The following ICA1L variants were observed in gnomAD, a reference collection of about 807,000 sequenced individuals.
ICA1L encodes the protein islet cell autoantigen 1 like, also known as islet cell autoantigen 1-like protein.
A neutral mutation model predicts 61.3 loss-of-function variants in ICA1L; 50 were observed. That is an observed-to-expected ratio of 0.82 (90% CI 0.65 to 1.03). The LOEUF (loss-of-function observed/expected upper bound fraction) is 1.03. ICA1L is among the 50% of genes least tolerant of loss of function. The pLI is 0.00. For missense variants in ICA1L, 508 were observed against 556.7 expected (o/e 0.91, Z 0.88); for synonymous variants, 161 against 191.3 (o/e 0.84, Z 1.31).
chr2:202,788,846 CACATGAAAGCCAAGGTCA>C lies in ICA1L; in HGVS notation c.1209_1226del (p.Phe403_Val409delinsLeu). ...GACACTTACTGTTGAACGCTCCAGC[CACATGAAAGCCAAGGTCA>C]AAGAGTTGTGAAGGAAGGAATCGAG... On this transcript the variant is annotated inframe_deletion, in exon 11 of 13. Transcript: ENST00000358299. 6.2e-7 allele frequency: 1 copy of C among 1,613,992 alleles called. No homozygotes were observed. The highest frequency in any genetic ancestry group is 8.5e-7 in the Non-Finnish European group (1 of 1,180,000).
chr2:202,862,662 C>A (rs1054573906), intron 1 of ICA1L, among the ~76,000 whole-genome samples: 1 of 151,280 alleles, frequency 6.6e-6, no homozygotes, highest in East Asian at 1.9e-4. Context: ...CATGGTGAAA[C>A]CCCGTCTCTA....
At chr2:202,847,434 T>C (rs1001192405) in intron 1 of ICA1L, among the ~76,000 whole-genome samples, 1 of 152,124 alleles carries the variant, frequency 6.6e-6, no homozygotes, top group Non-Finnish European at 1.5e-5. Flanking sequence ...GTTTCAAGCT[T>C]GGGTCTCTAG....
rs963384264 is a variant in ICA1L, at chr2:202,826,274, T to C, written c.163-507A>G. ...TATATTCTTTTTTTAGAATTTTCTA[T>C]AGATATTAATTCTTTCATTACTACT... On this transcript the variant is annotated intron_variant, in intron 2 of 12. Transcript: ENST00000358299. Among the ~76,000 whole-genome samples the C allele has an allele frequency of 5.3e-5, 8 of 152,184 alleles. No homozygotes were observed. The East Asian group carries it at 7.7e-4, about 15-fold the overall frequency.
chr2:202,834,086 A>G (rs762333625), intron 1 of ICA1L, among the ~76,000 whole-genome samples: 2 of 152,234 alleles, frequency 1.3e-5, no homozygotes, highest in Non-Finnish European at 2.9e-5. Context: ...ATGAGGTAAT[A>G]CATATGTTAA....
intron 1 of ICA1L, among the ~76,000 whole-genome samples, chr2:202,859,937 A>G (rs1397440124): frequency 6.6e-6 from 1 of 152,158 alleles, no homozygotes; most frequent in African/African-American, 2.4e-5. Context: ...GAAGTAGCCA[A>G]GACCCTGTAA....
intron 1 of ICA1L, among the ~76,000 whole-genome samples, chr2:202,855,760 G>C (rs1218949547): frequency 6.6e-6 from 1 of 152,062 alleles, no homozygotes; most frequent in African/African-American, 2.4e-5. Flanking sequence ...CATTCCTTCT[G>C]AAACTACTCC....
At chr2:202,814,112 A>G (rs569568612) in intron 8 of ICA1L, among the ~76,000 whole-genome samples, 1 of 152,316 alleles carries the variant, frequency 6.6e-6, no homozygotes, top group South Asian at 2.1e-4. Context: ...AAAAATATAT[A>G]TAAGGTTTCA....
At chr2:202,841,852 C>T in intron 1 of ICA1L, 1 of 256,732 alleles carries the variant, frequency 3.9e-6, no homozygotes, top group Non-Finnish European at 7.7e-6. Context: ...GAAGCTGCTT[C>T]TTGGTCTATT....
chr2:202,817,414 G>T lies in ICA1L; in HGVS notation c.684+4C>A. On this transcript the variant is annotated splice_donor_region_variant and intron_variant, in intron 6 of 12. Transcript: ENST00000358299. ...AAGGATATGCTGACCATGGAGGTGG[G>T]TACCTGGTAGGTAGTGAGCGAATGA... 1 of 1,573,032 alleles carries T rather than the reference G, an allele frequency of 6.4e-7. No homozygotes were observed. The highest frequency in any genetic ancestry group is 2.3e-5 in the East Asian group (1 of 42,824).
chr2:202,833,689 A>G (rs1559142091), intron 1 of ICA1L, among the ~76,000 whole-genome samples: 2 of 152,262 alleles, frequency 1.3e-5, no homozygotes, highest in African/African-American at 4.8e-5. Context: ...ACTTTCAGAA[A>G]TGCTAACATT....
intron 10 of ICA1L, among the ~76,000 whole-genome samples, chr2:202,795,639 C>T (rs1692902928): frequency 6.6e-6 from 1 of 151,926 alleles, no homozygotes; most frequent in African/African-American, 2.4e-5. Context: ...GGTGCATGCA[C>T]ACACCATTTG....
intron 1 of ICA1L, among the ~76,000 whole-genome samples, chr2:202,838,767 T>G (rs1288763665): frequency 6.6e-6 from 1 of 152,014 alleles, no homozygotes; most frequent in Non-Finnish European, 1.5e-5. Flanking sequence ...ATAAAAGAGG[T>G]TTAATTGGCT....
At chr2:202,868,547 T>A (rs182740643) in intron 1 of ICA1L, among the ~76,000 whole-genome samples, 1 of 152,222 alleles carries the variant, frequency 6.6e-6, no homozygotes, top group Non-Finnish European at 1.5e-5. Context: ...AGATACTCAA[T>A]AAGTATTTAC....
In ICA1L at chr2:202,777,044, C is replaced by CTTTTTTTTTTTTTTTTT. The variant is rs562230381; in HGVS notation, c.*2472_*2488dup. ...ACAAACTCTCAAGACATAAAGTTAG[C>CTTTTTTTTTTTTTTTTT]TTTTTTTTTTTTTTTTTTTTTTTTT... On this transcript the variant is annotated 3_prime_UTR_variant, in exon 13 of 13. Coordinates refer to ENST00000358299, the MANE Select transcript of ICA1L (RefSeq NM_001288622.3). 6 of 68,586 alleles carry CTTTTTTTTTTTTTTTTT rather than the reference C, an allele frequency of 8.7e-5. No homozygotes were observed. The highest frequency in any genetic ancestry group is 3.9e-4 in the African/African-American group (6 of 15,268). The allele number at this position is 68,586 out of a possible 1,614,324, so 4.2% of individuals were successfully genotyped here.
chr2:202,795,140 C>T lies in ICA1L; in HGVS notation c.985+1750G>A, dbSNP rs570860992. 6.8e-5 allele frequency among the ~76,000 whole-genome samples: 10 copies of T among 147,354 alleles called. 1 individual carries two copies. The South Asian group carries it at 8.6e-4, about 13-fold the overall frequency. ...CCGAGTAGCTGGGACTACAGGCATG[C>T]GCCACCATGCCCAGTTAATTTTGTA... On this transcript the variant is annotated intron_variant, in intron 10 of 12. Transcript: ENST00000358299.
At chr2:202,847,703 A>ATATATATATATATATATATATATAG in intron 1 of ICA1L, among the ~76,000 whole-genome samples, 1 of 131,260 alleles carries the variant, frequency 7.6e-6, no homozygotes, top group East Asian at 2.2e-4. Flanking sequence ...AATTATATAT[A>ATATATATATATATATATATATATAG]TATATAGTTA....
chr2:202,795,923 A>G (rs1325152298), intron 10 of ICA1L, among the ~76,000 whole-genome samples: 1 of 152,020 alleles, frequency 6.6e-6, no homozygotes, highest in African/African-American at 2.4e-5. Flanking sequence ...CACGCCTGTA[A>G]TCCCGGCTAT....
chr2:202,773,867 T>G lies in ICA1L; in HGVS notation c.*5666A>C. On this transcript the variant is annotated 3_prime_UTR_variant, in exon 13 of 13. Coordinates refer to ENST00000358299, the MANE Select transcript of ICA1L (RefSeq NM_001288622.3). ...GTGGGAAGTTTTCTTCTACAGAGGC[T>G]GAGTGGAACAGTCCTGCTAAATAAA... The G allele has an allele frequency of 7.6e-7, 1 of 1,315,448 alleles. No individual in the cohort carries two copies. Among genetic ancestry groups the G allele is most frequent in the South Asian group, 1.2e-5 (1 of 84,506 alleles). 81.5% of individuals were successfully genotyped at this position (1,315,448 alleles called of 1,614,324 possible).
intron 1 of ICA1L, among the ~76,000 whole-genome samples, chr2:202,842,936 T>A (rs984333497): frequency 6.6e-6 from 1 of 152,214 alleles, no homozygotes; most frequent in African/African-American, 2.4e-5. Context: ...CTCTACTGCA[T>A]TTTTTAGTTC....
Sources: gnomAD v4.1 joint callset for allele counts (sites outside exome capture counted in the v4.1 genomes callset) on GRCh38, gnomAD v4.1.1 for gene constraint, MANE v1.5 for transcripts, NCBI Gene and HGNC (gene_info 2026-07-23, HGNC 2026-07-21) for gene names.